COL15A1: variants seen among roughly 807,000 people sequenced by gnomAD.
COL15A1 encodes the protein collagen alpha-1(XV) chain.
Under a neutral mutation model 165.9 loss-of-function variants are expected in COL15A1, and 111 were observed. That is an observed-to-expected ratio of 0.67 (90% CI 0.57 to 0.78). The LOEUF is 0.78. Ranked by LOEUF, COL15A1 falls within the 30% of genes least tolerant of loss-of-function variation. The pLI, the probability that COL15A1 is intolerant of heterozygous loss-of-function variation, is 0.00. For synonymous variants in COL15A1, 659 were observed against 674.8 expected (o/e 0.98, Z 0.36); for missense variants, 1,745 against 1,789.7 (o/e 0.98, Z 0.45).
chr9:99,020,060 C>G (rs1287956849), intron 11 of COL15A1, among the ~76,000 whole-genome samples: 1 of 152,134 alleles, frequency 6.6e-6, no homozygotes. Flanking sequence ...GAATGTTGCC[C>G]TGGAAATGAA....
In COL15A1 at chr9:99,040,469, C is replaced by T; in HGVS notation, c.2476-52C>T. On this transcript the variant is annotated intron_variant, in intron 22 of 41. Coordinates refer to ENST00000375001, the MANE Select transcript of COL15A1 (RefSeq NM_001855.5). ...GCTGGGAGGGAGGGGGTCCTGCTGA[C>T]TCTGGAAATGCCGCTCCTAATCCAG... The T allele has an allele frequency of 3.1e-6, 5 of 1,614,074 alleles. 1 individual carries two copies. In the South Asian group the frequency reaches 4.4e-5, roughly 14 times the overall value.
At chr9:99,034,011 A>G (rs1839253873) in intron 16 of COL15A1, among the ~76,000 whole-genome samples, 1 of 152,260 alleles carries the variant, frequency 6.6e-6, no homozygotes, top group South Asian at 2.1e-4. Context: ...CTGGGTGTGG[A>G]CATGCAACCT....
intron 31 of COL15A1, 22 bp downstream of exon 31, chr9:99,052,455 A>C: frequency 6.3e-7 from 1 of 1,576,452 alleles, no homozygotes; most frequent in African/African-American, 1.3e-5. Context: ...CTTCTTCATC[A>C]TTTGTTTCTC....
chr9:99,043,732 T>G (rs1839450117), intron 24 of COL15A1, among the ~76,000 whole-genome samples: 1 of 152,152 alleles, frequency 6.6e-6, no homozygotes. Flanking sequence ...GAGACTTCTG[T>G]GTGGCTCAGC....
At chr9:98,988,157 A>G (rs1029325948) in intron 4 of COL15A1, among the ~76,000 whole-genome samples, 1 of 152,236 alleles carries the variant, frequency 6.6e-6, no homozygotes, top group African/African-American at 2.4e-5. Flanking sequence ...CATCAACGTC[A>G]CAACAGAACA....
In COL15A1 at chr9:99,056,203, G is replaced by C. The variant is rs557287873; in HGVS notation, c.3193-57G>C. 2.9e-5 allele frequency: 44 copies of C among 1,526,190 alleles called. No homozygotes were observed. The African/African-American group carries it at 4.8e-4, about 17-fold the overall frequency. The allele number at this position is 1,526,190 out of a possible 1,614,324, so 94.5% of individuals were successfully genotyped here. A position where few individuals can be genotyped will look rare whatever the true frequency, so the allele number is the denominator to read the frequency against. ...AAATATTCTCATAAAAGGACTAGAT[G>C]GGACTTCGAGTGATGAATGATGCTT... On this transcript the variant is annotated intron_variant, in intron 34 of 41. Coordinates refer to ENST00000375001, the MANE Select transcript of COL15A1 (RefSeq NM_001855.5).
chr9:99,003,415 C>T (rs1838697893), intron 7 of COL15A1, 38 bp from the exon 8 acceptor site: 1 of 1,411,926 alleles, frequency 7.1e-7, no homozygotes, highest in East Asian at 2.7e-5. Flanking sequence ...TTGATGGGAG[C>T]CCAGAGACAT....
chr9:98,999,069 G>A (rs990038866), intron 6 of COL15A1, among the ~76,000 whole-genome samples: 7 of 152,214 alleles, frequency 4.6e-5, no homozygotes, highest in African/African-American at 1.4e-4. Flanking sequence ...CAGGGAAGAC[G>A]AGAGTGCTCG....
intron 9 of COL15A1, among the ~76,000 whole-genome samples, chr9:99,012,360 C>G (rs1588514493): frequency 6.6e-6 from 1 of 152,208 alleles, no homozygotes. Flanking sequence ...CTTCAGAACT[C>G]TAGCCATGAA....
chr9:99,063,025 T>G, intron 38 of COL15A1, 25 bp from the exon 39 acceptor site: 2 of 1,591,402 alleles, frequency 1.3e-6, no homozygotes, highest in Non-Finnish European at 1.7e-6. Flanking sequence ...TTCAGAACTG[T>G]TTCTTTTCCT....
At chr9:99,034,697 T>C in intron 17 of COL15A1, 113 bp downstream of exon 17, 2 of 1,446,974 alleles carry the variant, frequency 1.4e-6, no homozygotes, top group South Asian at 1.5e-5. Flanking sequence ...ATAAATGTCA[T>C]GGAACAGAGA....
chr9:99,057,926 C>T (rs974831352), intron 35 of COL15A1, among the ~76,000 whole-genome samples: 4 of 152,034 alleles, frequency 2.6e-5, no homozygotes, highest in Non-Finnish European at 4.4e-5. Context: ...GTGATAGAAA[C>T]GTAACTCAAA....
chr9:98,986,441 GATTTTA>G (rs1388573669), intron 3 of COL15A1: 1 of 225,104 alleles, frequency 4.4e-6, no homozygotes, highest in Non-Finnish European at 8.7e-6. Flanking sequence ...TACGTTTTAA[GATTTTA>G]TATAAAAGAG....
At chr9:98,952,980 C>T (rs1440090033) in intron 2 of COL15A1, among the ~76,000 whole-genome samples, 1 of 152,178 alleles carries the variant, frequency 6.6e-6, no homozygotes, top group African/African-American at 2.4e-5. Context: ...CCCCTGCCTA[C>T]CTCCTTCATT....
chr9:98,983,763 G>A (rs540898578), intron 2 of COL15A1, among the ~76,000 whole-genome samples: 14 of 152,316 alleles, frequency 9.2e-5, no homozygotes, highest in South Asian at 2.1e-4. Flanking sequence ...AGGGGTTTCC[G>A]TGGACGGTCT....
chr9:98,991,223 G>A (rs929919770), intron 5 of COL15A1, among the ~76,000 whole-genome samples: 1 of 150,166 alleles, frequency 6.7e-6, no homozygotes, highest in Non-Finnish European at 1.5e-5. Flanking sequence ...AGTTGCCGCT[G>A]CTCACTCAGG....
At chr9:99,026,831 C>T (rs1460166097) in intron 16 of COL15A1, among the ~76,000 whole-genome samples, 1 of 152,182 alleles carries the variant, frequency 6.6e-6, no homozygotes, top group Non-Finnish European at 1.5e-5. Context: ...GAGAACCTCC[C>T]TTGCCAGTGA....
intron 16 of COL15A1, among the ~76,000 whole-genome samples, chr9:99,027,382 C>T (rs1025470261): frequency 6.6e-6 from 1 of 152,168 alleles, no homozygotes; most frequent in African/African-American, 2.4e-5. Flanking sequence ...TTAATTGGAA[C>T]CATAACTCAA....
intron 8 of COL15A1, among the ~76,000 whole-genome samples, chr9:99,003,942 C>T (rs1838710563): frequency 6.6e-6 from 1 of 152,024 alleles, no homozygotes; most frequent in African/African-American, 2.4e-5. Flanking sequence ...ACAGAAGTTT[C>T]CTGGGGAAAG....
Sources: allele counts gnomAD v4.1 joint callset (sites outside exome capture counted in the v4.1 genomes callset), GRCh38; gene constraint gnomAD v4.1.1; transcripts MANE v1.5; gene names NCBI Gene and HGNC (gene_info 2026-07-23, HGNC 2026-07-21).